The following SLCO1A2 variants were observed in gnomAD, a reference collection of about 807,000 sequenced individuals.
SLCO1A2 encodes solute carrier organic anion transporter family member 1A2.
Under a neutral mutation model 69.0 loss-of-function variants are expected in SLCO1A2, and 67 were observed. The ratio of observed to expected loss-of-function variants is 0.97; its 90% CI spans 0.80 to 1.19. SLCO1A2 has a LOEUF of 1.19. SLCO1A2 is among the 50% of genes most tolerant of loss of function. The pLI, the probability that SLCO1A2 is intolerant of heterozygous loss-of-function variation, is 0.00. For missense variants in SLCO1A2, 787 were observed against 793.7 expected, an observed-to-expected ratio of 0.99 and a Z score of 0.10; for synonymous variants, 260 against 265.9, an observed-to-expected ratio of 0.98 and a Z score of 0.22.
upstream of SLCO1A2, among the ~76,000 whole-genome samples, chr12:21,399,913 C>G (rs1941629065): frequency 6.6e-6 from 1 of 151,208 alleles, no homozygotes; most frequent in South Asian, 2.1e-4. Flanking sequence ...GACCTAAAAC[C>G]ATAAAAACCC....
intron 1 of SLCO1A2, among the ~76,000 whole-genome samples, chr12:21,382,793 C>CAAAAAAAA (rs3060709): frequency 1.3e-5 from 1 of 75,208 alleles, no homozygotes. Flanking sequence ...AACTCCGTCT[C>CAAAAAAAA]AAAAAAAAAA....
At chr12:21,406,566 G>C (rs1941826921) in intron 1 of SLCO1A2, among the ~76,000 whole-genome samples, 1 of 152,298 alleles carries the variant, frequency 6.6e-6, no homozygotes, top group South Asian at 2.1e-4. Flanking sequence ...GAATATTTAT[G>C]ATGTGCCACA....
chr12:21,304,578 A>C lies in SLCO1A2; in HGVS notation c.443-5T>G. 1 of 1,573,574 alleles carries C rather than the reference A, an allele frequency of 6.4e-7. No individual in the cohort carries two copies. Among genetic ancestry groups the C allele is most frequent in the Non-Finnish European group, 8.6e-7 (1 of 1,168,530 alleles). On this transcript the variant is annotated splice_region_variant and splice_polypyrimidine_tract_variant and intron_variant, in intron 5 of 14. Transcript: ENST00000683939. ...ATTTAACTTCCTTTGTACACTCTGC[A>C]TTAAAAAAAAAAGACATGACATTAG... is the stretch of plus-strand genomic sequence containing the variant.
intron 2 of SLCO1A2, among the ~76,000 whole-genome samples, chr12:21,357,919 AT>A (rs1162813190): frequency 1.3e-5 from 2 of 152,198 alleles, no homozygotes; most frequent in South Asian, 4.1e-4. Context: ...TAAATACCGA[AT>A]TCTCCATAAA....
At chr12:21,335,602 CT>C (rs1190298149), upstream of SLCO1A2, among the ~76,000 whole-genome samples, 5 of 152,142 alleles carry the variant, frequency 3.3e-5, no homozygotes, top group African/African-American at 1.2e-4. Flanking sequence ...AGAATGATTT[CT>C]TAACAGTATC....
At chr12:21,362,007 G>A (rs541812440) in intron 2 of SLCO1A2, among the ~76,000 whole-genome samples, 8 of 152,130 alleles carry the variant, frequency 5.3e-5, no homozygotes, top group African/African-American at 1.2e-4. Flanking sequence ...CCAACCTAGC[G>A]GGGAAGGCCA....
intron 13 of SLCO1A2, 112 bp downstream of exon 13, chr12:21,275,248 T>C (rs1943590872): frequency 1.2e-5 from 12 of 998,342 alleles, no homozygotes; most frequent in Non-Finnish European, 1.7e-5. Context: ...CATGTATACA[T>C]ATGTAACAAA....
At chr12:21,298,054 G>A (rs1948006942) in intron 8 of SLCO1A2, among the ~76,000 whole-genome samples, 2 of 152,048 alleles carry the variant, frequency 1.3e-5, no homozygotes, top group Admixed American at 1.3e-4. Flanking sequence ...AAGATGTGTG[G>A]GAATTAATGA....
intron 1 of SLCO1A2, among the ~76,000 whole-genome samples, chr12:21,404,812 C>T (rs376888178): frequency 2.6e-5 from 4 of 152,028 alleles, no homozygotes; most frequent in African/African-American, 4.8e-5. Context: ...GAATTATCAC[C>T]GTGTCTTCTA....
intron 8 of SLCO1A2, among the ~76,000 whole-genome samples, chr12:21,300,117 A>C (rs1374447711): frequency 6.6e-6 from 1 of 151,622 alleles, no homozygotes; most frequent in Non-Finnish European, 1.5e-5. Context: ...CAAGACTGAC[A>C]TAAAAGTTTA....
At chr12:21,295,853 C>A in intron 9 of SLCO1A2, 61 bp from the exon 10 acceptor site, 1 of 917,552 alleles carries the variant, frequency 1.1e-6, no homozygotes, top group Non-Finnish European at 1.7e-6. Flanking sequence ...AATATGTTAT[C>A]ACTTTTATGT....
At chr12:21,304,615 T>TA (rs768546912) in intron 5 of SLCO1A2, 42 bp from the exon 6 acceptor site, 4 of 1,533,714 alleles carry the variant, frequency 2.6e-6, no homozygotes, top group Non-Finnish European at 3.6e-6. Context: ...GCTTTGACGA[T>TA]AAAGTGTCAG....
In SLCO1A2 at chr12:21,295,788, A is replaced by C. The variant is rs770796846; in HGVS notation, c.1080T>G (p.Ile360Met). The change falls in exon 10 of 15, where the codon ATT (isoleucine) becomes ATG (methionine). Residue 360 changes from isoleucine to methionine, a missense_variant. Physicochemically the swap from Ile to Met is conservative, Grantham distance 10 (BLOSUM62 1). Transcript: ENST00000683939. ...CAATACATATTGGAGGTAAGTTATA[A>C]ATACCTATAAATGCAAATAAAATAT... Reference protein sequence around the residue: ...SSSDAIFLMGIYNLPPICIGY... With the variant: ...SSSDAIFLMGMYNLPPICIGY... The C allele has an allele frequency of 4.2e-6, 6 of 1,426,756 alleles. No individual in the cohort carries two copies. The South Asian group carries it at 4.8e-5, about 11-fold the overall frequency. 88.4% of individuals were successfully genotyped at this position (1,426,756 alleles called of 1,614,324 possible).
Position 21,295,612 on chromosome 12 carries a change from T to C in SLCO1A2, c.1256A>G (p.Asn419Ser), listed in dbSNP as rs1947596296. The stretch of plus-strand genomic sequence containing the variant: ...AACAACATACCCTTCATAAGAGGTA[T>C]TTATTCCAACAACTGAAGAATTTTC... ...TCENSSVVGI[N>S]TSYEGIPQDL... The change falls in exon 10 of 15, where the codon AAT (asparagine) becomes AGT (serine). Residue 419 changes from asparagine (N) to serine (S), a missense_variant. Asn to Ser is a conservative substitution (Grantham distance 46, BLOSUM62 1). Coordinates refer to ENST00000683939, the MANE Select transcript of SLCO1A2 (RefSeq NM_001386879.1). 6.3e-7 allele frequency: 1 copy of C among 1,580,886 alleles called. No homozygotes were observed. Among genetic ancestry groups the C allele is most frequent in the Non-Finnish European group, 8.7e-7 (1 of 1,150,668 alleles).
intron 12 of SLCO1A2, among the ~76,000 whole-genome samples, chr12:21,279,612 A>C (rs532512005): frequency 1.6e-4 from 24 of 152,324 alleles, no homozygotes; most frequent in South Asian, 1.4e-3. Flanking sequence ...ATATCCTCCA[A>C]ACATAAAGAA....
intron 3 of SLCO1A2, 60 bp downstream of exon 3, chr12:21,318,722 A>G: frequency 7.0e-7 from 1 of 1,435,470 alleles, no homozygotes. Context: ...AATAAAATTC[A>G]GACTAGCTCC....
intron 4 of SLCO1A2, among the ~76,000 whole-genome samples, chr12:21,307,668 C>T (rs575081105): frequency 2.6e-5 from 4 of 152,128 alleles, no homozygotes; most frequent in African/African-American, 4.8e-5. Context: ...AATTACATGC[C>T]GTAAGATGGG....
chr12:21,293,280 G>A (rs1288670293), intron 11 of SLCO1A2, among the ~76,000 whole-genome samples: 1 of 152,114 alleles, frequency 6.6e-6, no homozygotes, highest in Non-Finnish European at 1.5e-5. Context: ...TCCAGCTTAG[G>A]CGACAGAGTG....
At chr12:21,318,222 C>T (rs916383390) in intron 3 of SLCO1A2, among the ~76,000 whole-genome samples, 4 of 151,820 alleles carry the variant, frequency 2.6e-5, no homozygotes, top group African/African-American at 9.7e-5. Flanking sequence ...GGGTTCACAC[C>T]ATTCTCCTGC....
Sources: allele counts gnomAD v4.1 joint callset (sites outside exome capture counted in the v4.1 genomes callset), GRCh38; gene constraint gnomAD v4.1.1; transcripts MANE v1.5; gene names NCBI Gene and HGNC (gene_info 2026-07-23, HGNC 2026-07-21).